Variants in CDKL4 observed in about 807,000 individuals in gnomAD.
The protein encoded by CDKL4 is cyclin-dependent kinase-like 4.
A neutral mutation model predicts 42.0 loss-of-function variants in CDKL4; 44 were observed. That is an observed-to-expected ratio of 1.05 (90% CI 0.82 to 1.35). The LOEUF is 1.35. CDKL4 is among the 40% of genes most tolerant of loss of function. CDKL4 has a pLI of 0.00. For missense variants in CDKL4, 393 were observed against 369.9 expected (o/e 1.06, Z -0.51); for synonymous variants, 120 against 121.6 (o/e 0.99, Z 0.09).
chr2:39,244,318 G>A (rs1329558509), upstream of CDKL4, among the ~76,000 whole-genome samples: 1 of 152,248 alleles, frequency 6.6e-6, no homozygotes, highest in African/African-American at 2.4e-5. Flanking sequence ...GGCGCTTGCG[G>A]GCCAGCTGGA....
upstream of CDKL4, among the ~76,000 whole-genome samples, chr2:39,245,155 G>T (rs948638626): frequency 6.6e-6 from 1 of 152,124 alleles, no homozygotes; most frequent in Non-Finnish European, 1.5e-5. Context: ...TTGTTCTTTC[G>T]CTCTTTGCAA....
At chr2:39,190,246 G>C (rs1018460741) in intron 6 of CDKL4, 59 bp downstream of exon 6, 1 of 1,114,342 alleles carries the variant, frequency 9.0e-7, no homozygotes. Context: ...TTTTATTATA[G>C]TAACATATGA....
At chr2:39,204,419 A>T in intron 5 of CDKL4, 108 bp downstream of exon 5, 2 of 716,688 alleles carry the variant, frequency 2.8e-6, no homozygotes, top group South Asian at 3.3e-5. Context: ...CTTTTTGAAT[A>T]ACAACAATAC....
chr2:39,237,356 A>C (rs988356806), intron 1 of CDKL4, among the ~76,000 whole-genome samples: 2 of 152,234 alleles, frequency 1.3e-5, no homozygotes, highest in African/African-American at 4.8e-5. Flanking sequence ...GCCAACACTC[A>C]TTCATGATGA....
intron 1 of CDKL4, among the ~76,000 whole-genome samples, chr2:39,233,586 T>G (rs1430433321): frequency 6.6e-6 from 1 of 152,144 alleles, no homozygotes; most frequent in Admixed American, 6.6e-5. Context: ...AAACACTCTC[T>G]TGGCCTAGGA....
At chr2:39,229,097 G>A (rs950737599) in intron 2 of CDKL4, among the ~76,000 whole-genome samples, 2 of 152,246 alleles carry the variant, frequency 1.3e-5, no homozygotes. Flanking sequence ...GGTTGGGGGC[G>A]AGCGTAAACA....
At chr2:39,216,821 G>A (rs1381453657) in intron 3 of CDKL4, among the ~76,000 whole-genome samples, 1 of 152,142 alleles carries the variant, frequency 6.6e-6, no homozygotes, top group East Asian at 1.9e-4. Context: ...CTTAATAACA[G>A]GGAATGGAGA....
At chr2:39,182,082 A>G (rs61257289) in intron 8 of CDKL4, among the ~76,000 whole-genome samples, 1 of 152,074 alleles carries the variant, frequency 6.6e-6, no homozygotes, top group South Asian at 2.1e-4. Flanking sequence ...CCTGGGCTCA[A>G]GCAATCCTCC....
At chr2:39,179,240 C>G in exon 9 of CDKL4, 1 of 1,613,412 alleles carries the variant, frequency 6.2e-7, no homozygotes, top group Non-Finnish European at 8.5e-7. Flanking sequence ...TTAATTTGGG[C>G]CTCTTGAAAA....
intron 5 of CDKL4, among the ~76,000 whole-genome samples, chr2:39,204,132 G>C (rs1213576363): frequency 6.6e-6 from 1 of 152,106 alleles, no homozygotes; most frequent in African/African-American, 2.4e-5. Flanking sequence ...CACCAGCTCT[G>C]TGAAGTTTTT....
chr2:39,190,887 C>G (rs748396122), intron 5 of CDKL4, among the ~76,000 whole-genome samples: 1 of 152,134 alleles, frequency 6.6e-6, no homozygotes, highest in Non-Finnish European at 1.5e-5. Flanking sequence ...CTAATTCTTG[C>G]TACCTGTGAA....
At chr2:39,206,266 G>C (rs1055036300) in intron 4 of CDKL4, among the ~76,000 whole-genome samples, 21 of 152,118 alleles carry the variant, frequency 1.4e-4, no homozygotes, top group African/African-American at 4.6e-4. Flanking sequence ...TTTTAGTAGA[G>C]GCTGGTTTCA....
upstream of CDKL4, among the ~76,000 whole-genome samples, chr2:39,244,142 A>G (rs1303412634): frequency 6.6e-6 from 1 of 152,162 alleles, no homozygotes. Flanking sequence ...CTCGGTCTCG[A>G]CGCCTCCTAT....
intron 2 of CDKL4, among the ~76,000 whole-genome samples, chr2:39,228,923 A>G (rs573711995): frequency 6.6e-6 from 1 of 152,316 alleles, no homozygotes; most frequent in East Asian, 1.9e-4. Context: ...GCTATTCAGT[A>G]TGTCTAAGAA....
intron 8 of CDKL4, among the ~76,000 whole-genome samples, chr2:39,181,715 A>G (rs1028024382): frequency 1.4e-4 from 21 of 152,196 alleles, no homozygotes; most frequent in African/African-American, 4.6e-4. Flanking sequence ...AGACAGACAC[A>G]CAGAGTGAAT....
At chr2:39,179,779 T>C (rs1348410945) in intron 8 of CDKL4, among the ~76,000 whole-genome samples, 1 of 152,154 alleles carries the variant, frequency 6.6e-6, no homozygotes, top group East Asian at 1.9e-4. Context: ...GTGATTCCGA[T>C]GCCCATATGC....
intron 8 of CDKL4, among the ~76,000 whole-genome samples, chr2:39,182,481 T>C (rs1002004495): frequency 6.6e-5 from 10 of 152,322 alleles, no homozygotes; most frequent in Admixed American, 4.6e-4. Flanking sequence ...CTGAGTAGAA[T>C]TGAGGCTTCT....
At chr2:39,189,379 C>T (rs185823282) in intron 6 of CDKL4, among the ~76,000 whole-genome samples, 1 of 152,334 alleles carries the variant, frequency 6.6e-6, no homozygotes, top group African/African-American at 2.4e-5. Context: ...ATCATGGAAG[C>T]TCCCTAAGCC....
intron 3 of CDKL4, among the ~76,000 whole-genome samples, chr2:39,224,667 G>T (rs1678583425): frequency 6.6e-6 from 1 of 151,584 alleles, no homozygotes; most frequent in South Asian, 2.1e-4. Flanking sequence ...CCACACCCAG[G>T]TAATTTTTAT....
Sources: allele counts gnomAD v4.1 joint callset (sites outside exome capture counted in the v4.1 genomes callset), GRCh38; gene constraint gnomAD v4.1.1; transcripts MANE v1.5; gene names NCBI Gene and HGNC (gene_info 2026-07-23, HGNC 2026-07-21).